The following KIF13B variants were observed in gnomAD, a reference collection of about 807,000 sequenced individuals.
KIF13B encodes kinesin-like protein KIF13B.
KIF13B carries 127 observed loss-of-function variants against 222.0 expected under a neutral mutation model. The ratio of observed to expected loss-of-function variants is 0.57; its 90% CI spans 0.50 to 0.66. The LOEUF is 0.66. KIF13B is among the 30% of genes least tolerant of loss of function. The probability of loss-of-function intolerance (pLI) is 0.00; values close to 1 mark genes in which losing one functional copy is unlikely to be tolerated. For synonymous variants in KIF13B, 976 were observed against 919.0 expected, an observed-to-expected ratio of 1.06 and a Z score of -1.12; for missense variants, 2,173 against 2,379.0, an observed-to-expected ratio of 0.91 and a Z score of 1.80.
chr8:29,191,203 G>C (rs1813168016), intron 3 of KIF13B, 146 bp from the exon 4 acceptor site: 3 of 602,234 alleles, frequency 5.0e-6, no homozygotes, highest in Non-Finnish European at 8.7e-6. Context: ...CTTACAATGA[G>C]AACTAAACAT....
chr8:29,178,801 T>C (rs1020565342), intron 8 of KIF13B, among the ~76,000 whole-genome samples: 8 of 152,102 alleles, frequency 5.3e-5, no homozygotes, highest in African/African-American at 1.7e-4. Context: ...CCTGCCAAAA[T>C]ATAGCACTTT....
At chr8:29,073,864 G>C (rs987374997) in intron 38 of KIF13B, among the ~76,000 whole-genome samples, 29 of 152,248 alleles carry the variant, frequency 1.9e-4, no homozygotes, top group African/African-American at 5.8e-4. Flanking sequence ...TTTTTGTGGT[G>C]AATCTCTAGG....
chr8:29,123,201 A>C (rs1159831459), intron 28 of KIF13B, among the ~76,000 whole-genome samples, 165 bp downstream of exon 28: 1 of 152,264 alleles, frequency 6.6e-6, no homozygotes, highest in Non-Finnish European at 1.5e-5. Context: ...TTTAGGCCAT[A>C]GTTATTCAAC....
chr8:29,222,555 T>G (rs866341158), intron 2 of KIF13B, among the ~76,000 whole-genome samples: 324 of 104,720 alleles, frequency 3.1e-3, no homozygotes, highest in African/African-American at 0.011. Flanking sequence ...TTTTTTTTTT[T>G]GTAGAGACAG....
rs1193515874 is a variant in KIF13B at position 29,071,869 on chromosome 8, G to A, written c.4969C>T (p.Arg1657Cys). The A allele has an allele frequency of 3.3e-6, 5 of 1,535,222 alleles. No homozygotes were observed. Among genetic ancestry groups the A allele is most frequent in the Non-Finnish European group, 4.4e-6 (5 of 1,145,588 alleles). Residue 1657 changes from arginine to cysteine, a missense_variant, in exon 39 of 40, where the codon CGC (arginine) becomes TGC (cysteine). Physicochemically the swap from Arg to Cys is radical, Grantham distance 180 (BLOSUM62 -3). Around this residue, in one of 2 missense-constraint regions of KIF13B, gnomAD observed 693 missense variants for 656.2 expected, o/e 1.06. Coordinates refer to ENST00000524189, the MANE Select transcript of KIF13B (RefSeq NM_015254.4). The surrounding 1 kb of genome is among the most constrained non-coding windows in gnomAD (Gnocchi z 4.9). Reference protein sequence around the residue: ...RVRRVRASELRSFSRMLAGDP... With the variant: ...RVRRVRASELCSFSRMLAGDP... ...CCAGCCAGCATGCGCGAGAAGGAGCGCAACTCCGAGGCCCGCACCCTCCGG... is the reference window on the plus strand; with the variant it reads ...CCAGCCAGCATGCGCGAGAAGGAGCACAACTCCGAGGCCCGCACCCTCCGG...
chr8:29,205,838 T>C (rs905236006), intron 2 of KIF13B, among the ~76,000 whole-genome samples: 3 of 151,852 alleles, frequency 2.0e-5, no homozygotes, highest in Admixed American at 6.6e-5. Context: ...ATCCCAACAC[T>C]CTGGGAGGCT....
At chr8:29,100,665 GTC>G (rs373284120) in intron 35 of KIF13B, among the ~76,000 whole-genome samples, 45 of 152,214 alleles carry the variant, frequency 3.0e-4, no homozygotes, top group African/African-American at 1.0e-3. Context: ...GGTCAGACTG[GTC>G]TCGAACTCCT....
intron 18 of KIF13B, among the ~76,000 whole-genome samples, chr8:29,144,051 C>A (rs1367628852): frequency 1.3e-5 from 2 of 149,126 alleles, no homozygotes; most frequent in East Asian, 3.9e-4. Context: ...AAAAAAAAGC[C>A]CCTATACATT....
intron 37 of KIF13B, among the ~76,000 whole-genome samples, chr8:29,091,255 A>G (rs1019428285): frequency 6.6e-6 from 1 of 152,080 alleles, no homozygotes; most frequent in African/African-American, 2.4e-5. Context: ...AGAGCTAATC[A>G]CTCGTTGCCA....
chr8:29,097,221 CA>C (rs534447755), intron 36 of KIF13B, among the ~76,000 whole-genome samples: 81 of 151,938 alleles, frequency 5.3e-4, no homozygotes, highest in Non-Finnish European at 1.1e-3. Flanking sequence ...TTCCCAGAGA[CA>C]AAAGGGACAT....
intron 2 of KIF13B, among the ~76,000 whole-genome samples, chr8:29,220,058 C>T (rs1481775853): frequency 6.6e-6 from 1 of 151,996 alleles, no homozygotes. Flanking sequence ...AGTGATGACC[C>T]TCTCTCAAAA....
intron 3 of KIF13B, among the ~76,000 whole-genome samples, chr8:29,193,002 G>A (rs1040041320): frequency 6.6e-6 from 1 of 152,096 alleles, no homozygotes; most frequent in African/African-American, 2.4e-5. Context: ...GCAACTAAAG[G>A]GGGAGGCAGA....
chr8:29,235,471 AC>A (rs1391969199), intron 2 of KIF13B, among the ~76,000 whole-genome samples: 1 of 152,130 alleles, frequency 6.6e-6, no homozygotes, highest in East Asian at 1.9e-4. Flanking sequence ...CCTTCAAACT[AC>A]TATTTGAGGG....
At chr8:29,124,558 G>A (rs1810024993) in intron 26 of KIF13B, among the ~76,000 whole-genome samples, 1 of 151,820 alleles carries the variant, frequency 6.6e-6, no homozygotes, top group South Asian at 2.1e-4. Flanking sequence ...GGCCAGCCTG[G>A]CTAACACAGC....
At position 29,160,880 on chromosome 8, in the gene KIF13B, T is replaced by C. The variant is rs553549070; in HGVS notation, c.1270-13A>G. On this transcript the variant is annotated splice_polypyrimidine_tract_variant and intron_variant, in intron 12 of 39. Coordinates refer to ENST00000524189, the MANE Select transcript of KIF13B (RefSeq NM_015254.4). ...GTTTCTGTCGTTCCTGTAAATGTTA[T>C]CAGAGAAGTATTAATTTCACAGCTA... 4.3e-6 allele frequency: 7 copies of C among 1,611,298 alleles called. No homozygotes were observed. The highest frequency in any genetic ancestry group is 2.2e-5 in the East Asian group (1 of 44,792).
Position 29,070,636 on chromosome 8 carries a change from C to A in KIF13B, c.5349G>T (p.Leu1783=). 6.4e-7 allele frequency: 1 copy of A among 1,569,704 alleles called. No homozygotes were observed. Among genetic ancestry groups the A allele is most frequent in the East Asian group, 2.4e-5 (1 of 42,220 alleles). ...CGCTCCGGCGGGCCTCGGGGGCACC[C>A]AGCCGGAGTCCTGTGCTGCGCCGCC... ...PVRRRSTGLR[L]GAPEARRSAT... Residue 1783 remains leucine (L), a synonymous_variant, in exon 40 of 40, where the codon CTG becomes CTT. Coordinates refer to ENST00000524189, the MANE Select transcript of KIF13B (RefSeq NM_015254.4). The surrounding 1 kb of genome is among the most constrained non-coding windows in gnomAD (Gnocchi z 4.1).
At chr8:29,168,202 A>G (rs533571875) in intron 10 of KIF13B, among the ~76,000 whole-genome samples, 1 of 152,328 alleles carries the variant, frequency 6.6e-6, no homozygotes, top group African/African-American at 2.4e-5. Context: ...AAGCACTTCC[A>G]CCGTTCAGAC....
At chr8:29,171,668 T>C (rs978239476) in intron 10 of KIF13B, among the ~76,000 whole-genome samples, 3 of 146,750 alleles carry the variant, frequency 2.0e-5, no homozygotes, top group Non-Finnish European at 3.0e-5. Flanking sequence ...CTCTGGAACA[T>C]GTTTTGCGAA....
At chr8:29,126,642 C>A (rs1331828792) in intron 25 of KIF13B, 131 bp from the exon 26 acceptor site, 2 of 660,802 alleles carry the variant, frequency 3.0e-6, no homozygotes, top group Non-Finnish European at 5.4e-6. Flanking sequence ...TCATCTCCCA[C>A]CTACCCACAC....
Sources: gnomAD v4.1 joint callset for allele counts (sites outside exome capture counted in the v4.1 genomes callset) on GRCh38, gnomAD v4.1.1 for gene constraint, gnomAD v4.1.1 regional missense constraint, Gnocchi (gnomAD v3.1) non-coding constraint, MANE v1.5 for transcripts, NCBI Gene and HGNC (gene_info 2026-07-23, HGNC 2026-07-21) for gene names.